The following PCDH9 variants were observed in gnomAD, a reference collection of about 807,000 sequenced individuals.
PCDH9 encodes the protein protocadherin 9.
In PCDH9, 24 loss-of-function variants were observed where a neutral mutation model predicts 70.6. That is an observed-to-expected ratio of 0.34 (90% CI 0.25 to 0.48). PCDH9 has a LOEUF of 0.48. PCDH9 is among the 20% of genes least tolerant of loss of function. The probability of loss-of-function intolerance (pLI) is 0.99; values close to 1 mark genes in which losing one functional copy is unlikely to be tolerated. For missense variants in PCDH9, 1,281 were observed against 1,503.6 expected (o/e 0.85, Z 2.45); for synonymous variants, 562 against 558.5 (o/e 1.01, Z -0.09).
intron 2 of PCDH9, among the ~76,000 whole-genome samples, chr13:67,186,196 TA>T (rs2088755536): frequency 1.3e-5 from 2 of 152,138 alleles, no homozygotes. Context: ...TAAGAGTGTA[TA>T]CTTTTATTAA....
At chr13:66,879,485 C>T (rs1396096059) in intron 3 of PCDH9, among the ~76,000 whole-genome samples, 1 of 151,288 alleles carries the variant, frequency 6.6e-6, no homozygotes, top group Non-Finnish European at 1.5e-5. Context: ...CAGTGGTTGG[C>T]TGCCATTTTT....
At chr13:66,868,239 T>C (rs1478880872) in intron 3 of PCDH9, among the ~76,000 whole-genome samples, 2 of 151,990 alleles carry the variant, frequency 1.3e-5, no homozygotes, top group Admixed American at 6.6e-5. Context: ...AAGATAACAG[T>C]ACAACTGGGC....
At chr13:66,767,922 T>G (rs886780229) in intron 3 of PCDH9, among the ~76,000 whole-genome samples, 1 of 152,142 alleles carries the variant, frequency 6.6e-6, no homozygotes, top group African/African-American at 2.4e-5. Context: ...TATGTCTACT[T>G]CGTCTAGTAC....
Position 67,227,720 on chromosome 13 carries a change from T to C in PCDH9, c.721A>G (p.Thr241Ala), listed in dbSNP as rs1251148273. 1 of 1,614,014 alleles carries C rather than the reference T, an allele frequency of 6.2e-7. No homozygotes were observed. The highest frequency in any genetic ancestry group is 8.5e-7 in the Non-Finnish European group (1 of 1,179,846). The change falls in exon 2 of 5, where the codon ACA (threonine) becomes GCA (alanine). Residue 241 changes from threonine (T) to alanine (A), a missense_variant. Transcript: ENST00000377865. This position sits in a 1 kb window ranked among gnomAD's most constrained non-coding sequence, Gnocchi z 4.6. Reference sequence around the variant, plus strand: ...CTGTTGTCATTTACATCACTTACTGTGACCTGCAGTATGGCCGTACTGGAT... The same window carrying C: ...CTGTTGTCATTTACATCACTTACTGCGACCTGCAGTATGGCCGTACTGGAT... Reference protein sequence around the residue: ...QKSSTAILQVTVSDVNDNRPV... With the variant: ...QKSSTAILQVAVSDVNDNRPV...
intron 4 of PCDH9, among the ~76,000 whole-genome samples, chr13:66,419,122 A>AGGAC (rs1218529516): frequency 1.3e-5 from 2 of 152,178 alleles, no homozygotes; most frequent in African/African-American, 4.8e-5. Context: ...AAAAAAGCCC[A>AGGAC]GGACCAGACG....
At chr13:66,573,490 A>G (rs2138751621) in intron 4 of PCDH9, among the ~76,000 whole-genome samples, 1 of 151,916 alleles carries the variant, frequency 6.6e-6, no homozygotes, top group African/African-American at 2.4e-5. Context: ...CCTATTTTTA[A>G]TTTTGCCTGA....
chr13:66,322,074 CATT>C (rs1264167555), intron 4 of PCDH9, among the ~76,000 whole-genome samples: 4 of 151,534 alleles, frequency 2.6e-5, no homozygotes, highest in Non-Finnish European at 5.9e-5. Context: ...TGATTATTAT[CATT>C]ATTATTATTC....
intron 2 of PCDH9, among the ~76,000 whole-genome samples, chr13:67,069,814 T>C (rs1239771096): frequency 6.6e-6 from 1 of 152,184 alleles, no homozygotes; most frequent in Non-Finnish European, 1.5e-5. Flanking sequence ...AAAGAATTTT[T>C]GGTACTAATT....
intron 4 of PCDH9, among the ~76,000 whole-genome samples, chr13:66,565,514 T>C (rs1371665640): frequency 6.6e-6 from 1 of 152,168 alleles, no homozygotes; most frequent in Non-Finnish European, 1.5e-5. Context: ...AGAGCAGCTG[T>C]TAATGCTAGT....
chr13:67,000,436 C>G (rs914024035), intron 2 of PCDH9, among the ~76,000 whole-genome samples: 1 of 151,346 alleles, frequency 6.6e-6, no homozygotes, highest in Non-Finnish European at 1.5e-5. Flanking sequence ...ACATATGTAA[C>G]TAACCTGCAC....
At chr13:66,677,586 T>C (rs540036583) in intron 3 of PCDH9, among the ~76,000 whole-genome samples, 1 of 152,036 alleles carries the variant, frequency 6.6e-6, no homozygotes, top group African/African-American at 2.4e-5. Context: ...AATCTGATCA[T>C]TTAAAAGTGT....
chr13:66,305,329 T>TATACAGATATAACCATGATGC (rs1955446739), intron 4 of PCDH9, among the ~76,000 whole-genome samples: 1 of 152,012 alleles, frequency 6.6e-6, no homozygotes, highest in Non-Finnish European at 1.5e-5. Flanking sequence ...AACCATGATG[T>TATACAGATATAACCATGATGC]ATACAGATAT....
intron 2 of PCDH9, among the ~76,000 whole-genome samples, chr13:67,081,890 T>A (rs1411601051): frequency 6.6e-6 from 1 of 152,172 alleles, no homozygotes; most frequent in East Asian, 1.9e-4. Flanking sequence ...TTCTTAAAAT[T>A]TTTAATTTAA....
chr13:66,592,340 A>G (rs1278831904), intron 4 of PCDH9, among the ~76,000 whole-genome samples: 1 of 151,716 alleles, frequency 6.6e-6, no homozygotes, highest in Non-Finnish European at 1.5e-5. Flanking sequence ...GGGGGAAGAA[A>G]GGAAGAAAGG....
chr13:66,481,491 G>A (rs1958835561), intron 4 of PCDH9, among the ~76,000 whole-genome samples: 1 of 151,982 alleles, frequency 6.6e-6, no homozygotes, highest in African/African-American at 2.4e-5. Context: ...GTACATTTTG[G>A]GACATAATGT....
chr13:66,560,376 T>C (rs1961956622), intron 4 of PCDH9, among the ~76,000 whole-genome samples: 1 of 151,276 alleles, frequency 6.6e-6, no homozygotes, highest in Non-Finnish European at 1.5e-5. Context: ...ATAGCATAGC[T>C]GTGAAGTGGA....
At chr13:67,176,677 G>T (rs1397391413) in intron 2 of PCDH9, among the ~76,000 whole-genome samples, 2 of 151,870 alleles carry the variant, frequency 1.3e-5, no homozygotes, top group South Asian at 4.1e-4. Context: ...CATCAAGTAA[G>T]AATACATTAT....
chr13:66,424,291 A>C (rs771042749), intron 4 of PCDH9, among the ~76,000 whole-genome samples: 1 of 152,166 alleles, frequency 6.6e-6, no homozygotes, highest in Non-Finnish European at 1.5e-5. Flanking sequence ...TCATCAAGCT[A>C]CCATTGACTT....
At chr13:66,584,814 G>GT (rs1198100278) in intron 4 of PCDH9, among the ~76,000 whole-genome samples, 1 of 152,098 alleles carries the variant, frequency 6.6e-6, no homozygotes, top group African/African-American at 2.4e-5. Flanking sequence ...ATGGGAGGCA[G>GT]TTTTTTAAGT....
Sources: gnomAD v4.1 joint callset for allele counts (sites outside exome capture counted in the v4.1 genomes callset) on GRCh38, gnomAD v4.1.1 for gene constraint, Gnocchi (gnomAD v3.1) non-coding constraint, MANE v1.5 for transcripts, NCBI Gene and HGNC (gene_info 2026-07-23, HGNC 2026-07-21) for gene names.